SLC10A7: variants seen among roughly 807,000 people sequenced by gnomAD.
SLC10A7 encodes the protein solute carrier family 10 member 7.
In SLC10A7, 29 loss-of-function variants were observed where a neutral mutation model predicts 43.2. That is an observed-to-expected ratio of 0.67 (90% CI 0.50 to 0.92). The LOEUF is 0.92. Ranked by LOEUF, SLC10A7 falls within the 40% of genes least tolerant of loss-of-function variation. SLC10A7 has a pLI of 0.00. For synonymous variants in SLC10A7, 152 were observed against 144.8 expected, an observed-to-expected ratio of 1.05 and a Z score of -0.35; for missense variants, 295 against 403.2, an observed-to-expected ratio of 0.73 and a Z score of 2.30.
chr4:146,378,300 CTTCTT>C (rs1247752250), intron 5 of SLC10A7, among the ~76,000 whole-genome samples: 2 of 152,202 alleles, frequency 1.3e-5, no homozygotes, highest in African/African-American at 4.8e-5. Flanking sequence ...CTCTCTCTCT[CTTCTT>C]ATTTTAGAAA....
Position 146,325,968 on chromosome 4 carries a change from A to C in SLC10A7, c.464T>G (p.Leu155Arg). Residue 155 changes from leucine to arginine, a missense_variant, in exon 6 of 12, where the codon CTG (leucine) becomes CGG (arginine). Leu to Arg is a moderately radical substitution (Grantham distance 102). Coordinates refer to ENST00000335472, the MANE Select transcript of SLC10A7 (RefSeq NM_001029998.6). Reference protein sequence around the residue: ...LGIVITPLLLLLFLGSSSSVP... With the variant: ...LGIVITPLLLRLFLGSSSSVP... ...CAACATCAAAATACTCACAAAAAGC[A>C]GCAGGAGCAGGGGTGTTATAACGAT... 6.2e-7 allele frequency: 1 copy of C among 1,612,154 alleles called. No individual in the cohort carries two copies. Among genetic ancestry groups the C allele is most frequent in the Non-Finnish European group, 8.5e-7 (1 of 1,178,954 alleles).
At chr4:146,441,911 T>G in intron 5 of SLC10A7, 2 of 982,874 alleles carry the variant, frequency 2.0e-6, no homozygotes, top group Non-Finnish European at 2.4e-6. Flanking sequence ...AACAGAGCAT[T>G]TTAAACAGAG....
At chr4:146,479,323 C>T (rs764040608) in intron 4 of SLC10A7, among the ~76,000 whole-genome samples, 3 of 152,044 alleles carry the variant, frequency 2.0e-5, no homozygotes, top group African/African-American at 7.2e-5. Context: ...TACTATATTT[C>T]GTAGGTTAGC....
intron 4 of SLC10A7, among the ~76,000 whole-genome samples, chr4:146,471,716 TC>T (rs2149964830): frequency 6.6e-6 from 1 of 152,326 alleles, no homozygotes; most frequent in Non-Finnish European, 1.5e-5. Flanking sequence ...GCTTTATCTT[TC>T]CATTTAAAAT....
At chr4:146,284,742 T>C (rs1729776519) in intron 9 of SLC10A7, among the ~76,000 whole-genome samples, 1 of 152,244 alleles carries the variant, frequency 6.6e-6, no homozygotes. Context: ...AATAGCATTC[T>C]TGTTTTTTAA....
At chr4:146,361,321 T>TA (rs1736034083) in intron 5 of SLC10A7, among the ~76,000 whole-genome samples, 1 of 152,200 alleles carries the variant, frequency 6.6e-6, no homozygotes, top group South Asian at 2.1e-4. Flanking sequence ...ATATAACAGA[T>TA]AATCAAAATG....
At chr4:146,413,167 C>T (rs550440390) in intron 5 of SLC10A7, among the ~76,000 whole-genome samples, 3 of 152,072 alleles carry the variant, frequency 2.0e-5, no homozygotes, top group Non-Finnish European at 4.4e-5. Context: ...AATACATAAG[C>T]TGATTTTCTA....
intron 4 of SLC10A7, among the ~76,000 whole-genome samples, chr4:146,489,851 C>T (rs1464040902): frequency 1.3e-5 from 2 of 152,066 alleles, no homozygotes; most frequent in South Asian, 2.1e-4. Flanking sequence ...AACTGCTTTC[C>T]TCCTTCTCTA....
At chr4:146,492,659 C>T (rs1379315419) in intron 4 of SLC10A7, among the ~76,000 whole-genome samples, 1 of 152,158 alleles carries the variant, frequency 6.6e-6, no homozygotes, top group East Asian at 1.9e-4. Context: ...CATGAGCCAC[C>T]GTGCCCAGCC....
intron 7 of SLC10A7, among the ~76,000 whole-genome samples, chr4:146,304,005 T>C (rs924289660): frequency 6.6e-6 from 1 of 151,574 alleles, no homozygotes; most frequent in Admixed American, 6.6e-5. Context: ...CTAAGACTTG[T>C]TCACTTTAGT....
intron 5 of SLC10A7, among the ~76,000 whole-genome samples, chr4:146,386,859 G>A (rs1738040562): frequency 6.6e-6 from 1 of 152,026 alleles, no homozygotes; most frequent in African/African-American, 2.4e-5. Flanking sequence ...ATAGTCCATG[G>A]GCACTTGAGG....
At chr4:146,293,549 T>C (rs1229854148) in intron 8 of SLC10A7, among the ~76,000 whole-genome samples, 3 of 152,196 alleles carry the variant, frequency 2.0e-5, no homozygotes, top group Non-Finnish European at 4.4e-5. Context: ...TTAGAAATAA[T>C]AGTATCATAT....
At chr4:146,332,091 G>A (rs1460303429) in intron 5 of SLC10A7, among the ~76,000 whole-genome samples, 1 of 152,084 alleles carries the variant, frequency 6.6e-6, no homozygotes, top group Non-Finnish European at 1.5e-5. Context: ...GGTGAGCAAG[G>A]GCCTCTTTCC....
chr4:146,436,546 A>C (rs1730228958), intron 5 of SLC10A7, among the ~76,000 whole-genome samples: 1 of 152,080 alleles, frequency 6.6e-6, no homozygotes, highest in Non-Finnish European at 1.5e-5. Flanking sequence ...TCTCCAAATA[A>C]TTTTAATTCA....
At chr4:146,341,595 A>C (rs1734266489) in intron 5 of SLC10A7, among the ~76,000 whole-genome samples, 1 of 151,778 alleles carries the variant, frequency 6.6e-6, no homozygotes, top group African/African-American at 2.4e-5. Context: ...ACACAATATA[A>C]TATGTCCTCA....
chr4:146,256,592 G>A, intron 11 of SLC10A7, 72 bp from the exon 12 acceptor site: 1 of 1,508,914 alleles, frequency 6.6e-7, no homozygotes, highest in Non-Finnish European at 9.2e-7. Flanking sequence ...ATTAACACCA[G>A]ATAATTTATG....
intron 5 of SLC10A7, among the ~76,000 whole-genome samples, chr4:146,389,372 T>C (rs142027862): frequency 6.6e-5 from 10 of 151,750 alleles, no homozygotes; most frequent in Admixed American, 5.2e-4. Context: ...GTCTCTGCCA[T>C]GTGGAGACAC....
rs115693384 is a variant in SLC10A7 at position 146,439,655 on chromosome 4, T to C, written c.435+3128A>G. 3.7e-3 allele frequency among the ~76,000 whole-genome samples: 569 copies of C among 152,214 alleles called. 3 individuals are homozygous for C. The highest frequency in any genetic ancestry group is 0.013 in the African/African-American group (547 of 41,560). ...CTCAAAGTTATTTCTTATCACATCA[T>C]ATACACATTTTATATAGATTATCCC... On this transcript the variant is annotated intron_variant, in intron 5 of 11. Coordinates refer to ENST00000335472, the MANE Select transcript of SLC10A7 (RefSeq NM_001029998.6).
At chr4:146,325,532 A>G (rs906354798) in intron 6 of SLC10A7, among the ~76,000 whole-genome samples, 4 of 152,182 alleles carry the variant, frequency 2.6e-5, no homozygotes, top group African/African-American at 9.7e-5. Context: ...AGCCTTCCCC[A>G]AGGTGAGGAA....
Sources: gnomAD v4.1 joint callset for allele counts (sites outside exome capture counted in the v4.1 genomes callset) on GRCh38, gnomAD v4.1.1 for gene constraint, MANE v1.5 for transcripts, NCBI Gene and HGNC (gene_info 2026-07-23, HGNC 2026-07-21) for gene names.